Variants in CAMTA1 observed in about 807,000 individuals in gnomAD.
CAMTA1 encodes calmodulin binding transcription activator 1, also known as calmodulin-binding transcription activator 1.
A neutral mutation model predicts 170.9 loss-of-function variants in CAMTA1; 27 were observed. The observed-to-expected ratio is 0.16, with a 90% CI of 0.12 to 0.22. The LOEUF is 0.22. CAMTA1 is among the 10% of genes least tolerant of loss of function. The probability of loss-of-function intolerance (pLI) is 1.00; values close to 1 mark genes in which losing one functional copy is unlikely to be tolerated. For missense variants in CAMTA1, 1,619 were observed against 2,217.2 expected (o/e 0.73, Z 5.42); for synonymous variants, 833 against 891.5 (o/e 0.93, Z 1.17).
rs143417483 is a variant in CAMTA1 at position 7,275,450 on chromosome 1, A to T, written c.438+25824A>T. On this transcript the variant is annotated intron_variant, in intron 5 of 22. Transcript: ENST00000303635. ...AAATGAAATAGTAAGTAGACAAACAATAGAAAACATTAATAAAACAAAAAG... is the reference window on the plus strand; with the variant it reads ...AAATGAAATAGTAAGTAGACAAACATTAGAAAACATTAATAAAACAAAAAG... Among the ~76,000 whole-genome samples, 536 of 152,194 alleles carry T rather than the reference A, an allele frequency of 3.5e-3. 3 individuals carry two copies. The highest frequency in any genetic ancestry group is 0.012 in the African/African-American group (513 of 41,578).
chr1:7,311,334 T>C (rs1676702533), intron 5 of CAMTA1, among the ~76,000 whole-genome samples: 1 of 152,214 alleles, frequency 6.6e-6, no homozygotes, highest in African/African-American at 2.4e-5. Context: ...TCAGATTGGA[T>C]AATTTTTATT....
In CAMTA1 at chr1:6,902,079, A is replaced by AAAAGAAAAAAT. The variant is rs1553180497; in HGVS notation, c.234+76872_234+76873insGAAAAAATAAA. ...CACACACACACACACACACAAAAAA[A>AAAAGAAAAAAT]AAAATAAAAATAAAAACTCGTACTG... On this transcript the variant is annotated intron_variant, in intron 3 of 22. Coordinates refer to ENST00000303635, the MANE Select transcript of CAMTA1 (RefSeq NM_015215.4). Among the ~76,000 whole-genome samples, 219 of 75,250 alleles carry AAAAGAAAAAAT rather than the reference A, an allele frequency of 2.9e-3. 1 individual carries two copies. Among genetic ancestry groups the AAAAGAAAAAAT allele is most frequent in the African/African-American group, 8.1e-3 (213 of 26,362 alleles). 49.4% of individuals were successfully genotyped at this position (75,250 alleles called of 152,430 possible). A position where few individuals can be genotyped will look rare whatever the true frequency, so the allele number is the denominator to read the frequency against.
At chr1:7,458,454 GC>G (rs1405359133) in intron 5 of CAMTA1, among the ~76,000 whole-genome samples, 1 of 152,128 alleles carries the variant, frequency 6.6e-6, no homozygotes, top group Non-Finnish European at 1.5e-5. Context: ...GTCCACTATG[GC>G]AGAAAGAGTG....
At chr1:7,747,924 T>G in intron 19 of CAMTA1, 143 bp downstream of exon 19, 1 of 567,234 alleles carries the variant, frequency 1.8e-6, no homozygotes, top group Non-Finnish European at 3.0e-6. Flanking sequence ...TTTTTTATTT[T>G]TTTTTTGAAA....
At chr1:7,023,913 A>G (rs1572510716) in intron 3 of CAMTA1, among the ~76,000 whole-genome samples, 1 of 151,972 alleles carries the variant, frequency 6.6e-6, no homozygotes, top group East Asian at 1.9e-4. Flanking sequence ...CTGTAATCCC[A>G]GCTACTCAGG....
intron 3 of CAMTA1, among the ~76,000 whole-genome samples, chr1:7,061,722 G>C (rs975082723): frequency 6.8e-6 from 1 of 147,488 alleles, no homozygotes; most frequent in African/African-American, 2.5e-5. Flanking sequence ...AGGGGGTGGG[G>C]TGGCGGGGAG....
At chr1:7,757,214 T>C (rs1184105878) in intron 22 of CAMTA1, among the ~76,000 whole-genome samples, 1 of 152,240 alleles carries the variant, frequency 6.6e-6, no homozygotes, top group Non-Finnish European at 1.5e-5. Context: ...AATGTTTTTC[T>C]GAAAGGCCAG....
At chr1:7,583,636 T>C (rs1305470058) in intron 6 of CAMTA1, among the ~76,000 whole-genome samples, 1 of 152,150 alleles carries the variant, frequency 6.6e-6, no homozygotes, top group African/African-American at 2.4e-5. Flanking sequence ...TCCCAGAGCT[T>C]ATCCCTGACA....
intron 3 of CAMTA1, among the ~76,000 whole-genome samples, chr1:6,870,304 C>T (rs904001992): frequency 1.3e-5 from 2 of 151,906 alleles, no homozygotes; most frequent in African/African-American, 2.4e-5. Flanking sequence ...GATGAGCATT[C>T]CAGAGAAATG....
intron 5 of CAMTA1, among the ~76,000 whole-genome samples, chr1:7,266,871 G>A (rs1166884081): frequency 6.6e-6 from 1 of 152,220 alleles, no homozygotes; most frequent in African/African-American, 2.4e-5. Flanking sequence ...CTGGAGAGCA[G>A]TGGACAAGGA....
chr1:7,447,429 TG>T (rs1415785155), intron 5 of CAMTA1, among the ~76,000 whole-genome samples: 91 of 1,888 alleles, frequency 0.048, 1 homozygote, highest in African/African-American at 0.13. Context: ...GGGGGCGGGG[TG>T]GGGGGTGAGG....
At chr1:6,872,081 G>A (rs905902105) in intron 3 of CAMTA1, 3 of 667,796 alleles carry the variant, frequency 4.5e-6, no homozygotes, top group Admixed American at 5.2e-5. Flanking sequence ...TCCCCATACA[G>A]TATATTTCCT....
At chr1:7,301,226 C>T (rs1027582036) in intron 5 of CAMTA1, among the ~76,000 whole-genome samples, 5 of 152,208 alleles carry the variant, frequency 3.3e-5, no homozygotes, top group South Asian at 2.1e-4. Flanking sequence ...TTTTAAATTA[C>T]GTAAATTGCT....
intron 1 of CAMTA1, among the ~76,000 whole-genome samples, chr1:6,789,113 C>T (rs1640275583): frequency 6.6e-6 from 1 of 152,112 alleles, no homozygotes; most frequent in Non-Finnish European, 1.5e-5. Flanking sequence ...TGGGTTTCTC[C>T]ATCTCATCAT....
chr1:7,182,720 T>G (rs1431660647), intron 4 of CAMTA1, among the ~76,000 whole-genome samples: 2 of 152,194 alleles, frequency 1.3e-5, no homozygotes, highest in African/African-American at 4.8e-5. Flanking sequence ...ATATCCCTGA[T>G]ATGTAAAGAG....
rs182077775 is a variant in CAMTA1, at chr1:7,688,984, G to A, written c.2914+11251G>A. ...AGGAGACTTTTTAAAAAATCAGGCC[G>A]GGTGCAGTGGCTCATGCCTGTAATC... On this transcript the variant is annotated intron_variant, in intron 11 of 22. Transcript: ENST00000303635. Among the ~76,000 whole-genome samples the A allele has an allele frequency of 2.0e-3, 299 of 152,122 alleles. 1 individual carries two copies. The highest frequency in any genetic ancestry group is 4.4e-3 in the African/African-American group (183 of 41,484).
Position 7,513,432 on chromosome 1 carries a change from C to T in CAMTA1, c.510+45531C>T, listed in dbSNP as rs1348074697. Among the ~76,000 whole-genome samples, 7 of 152,076 alleles carry T rather than the reference C, an allele frequency of 4.6e-5. No homozygotes were observed. The East Asian group carries it at 1.4e-3, about 29-fold the overall frequency. ...GGGCAGCTTAAACAACAGAATCTAC[C>T]GCCTCTTAGCTCTGGAGGCCAGAGT... On this transcript the variant is annotated intron_variant, in intron 6 of 22. Coordinates refer to ENST00000303635, the MANE Select transcript of CAMTA1 (RefSeq NM_015215.4).
chr1:7,265,365 A>G (rs1026588605), intron 5 of CAMTA1, among the ~76,000 whole-genome samples: 5 of 152,020 alleles, frequency 3.3e-5, no homozygotes, highest in African/African-American at 7.3e-5. Flanking sequence ...CGAGGTTAGA[A>G]TGTAGTAGCA....
intron 4 of CAMTA1, among the ~76,000 whole-genome samples, chr1:7,102,813 G>A (rs1642899010): frequency 6.6e-6 from 1 of 152,134 alleles, no homozygotes; most frequent in African/African-American, 2.4e-5. Context: ...GGGAATGGGT[G>A]TCATCTTCTC....
Sources: allele counts gnomAD v4.1 joint callset (sites outside exome capture counted in the v4.1 genomes callset), GRCh38; gene constraint gnomAD v4.1.1; transcripts MANE v1.5; gene names NCBI Gene and HGNC (gene_info 2026-07-23, HGNC 2026-07-21).